Variants in CTSC observed in about 807,000 individuals in gnomAD.
CTSC encodes the protein dipeptidyl peptidase 1.
CTSC carries 37 observed loss-of-function variants against 40.9 expected under a neutral mutation model. The ratio of observed to expected loss-of-function variants is 0.91; its 90% CI spans 0.70 to 1.19. The LOEUF (loss-of-function observed/expected upper bound fraction) is 1.19, where lower values mean the gene tolerates loss of function less well. Among genes scored for constraint, CTSC ranks in the 50% most tolerant of loss-of-function variants. The pLI, the probability that CTSC is intolerant of heterozygous loss-of-function variation, is 0.00. For synonymous variants in CTSC, 232 were observed against 207.4 expected (o/e 1.12, Z -1.02); for missense variants, 594 against 567.3 (o/e 1.05, Z -0.48).
intron 6 of CTSC, among the ~76,000 whole-genome samples, chr11:88,294,791 G>C (rs1043178996): frequency 1.3e-5 from 2 of 152,228 alleles, no homozygotes; most frequent in African/African-American, 4.8e-5. Flanking sequence ...CCAAAGCCGT[G>C]TGAAGAGTTT....
At chr11:88,326,525 G>GC (rs1938193384) in intron 2 of CTSC, 3 of 681,466 alleles carry the variant, frequency 4.4e-6, no homozygotes, top group Non-Finnish European at 6.8e-6. Context: ...GTTTCTTTAA[G>GC]TAAAAAAAAA....
chr11:88,302,043 C>T (rs868415499), intron 4 of CTSC, among the ~76,000 whole-genome samples: 1 of 152,096 alleles, frequency 6.6e-6, no homozygotes, highest in Non-Finnish European at 1.5e-5. Flanking sequence ...CAGCCCCCAG[C>T]GAAAACTCAC....
chr11:88,314,371 A>C (rs527654340), intron 2 of CTSC, among the ~76,000 whole-genome samples: 1 of 152,326 alleles, frequency 6.6e-6, no homozygotes, highest in Non-Finnish European at 1.5e-5. Context: ...TCTGAATTCA[A>C]ATCATATTTA....
At chr11:88,326,493 C>A (rs751233605) in intron 2 of CTSC, 27 of 1,146,058 alleles carry the variant, frequency 2.4e-5, no homozygotes, top group Non-Finnish European at 3.4e-5. Context: ...ATCATATTGT[C>A]TCTTAATATT....
chr11:88,312,287 A>C, intron 3 of CTSC, 101 bp downstream of exon 3: 1 of 1,146,808 alleles, frequency 8.7e-7, no homozygotes, highest in East Asian at 2.4e-5. Flanking sequence ...TCTAAGCCAA[A>C]GATATTTTGT....
intron 2 of CTSC, among the ~76,000 whole-genome samples, chr11:88,317,123 C>T (rs947458822): frequency 6.6e-6 from 1 of 152,118 alleles, no homozygotes; most frequent in South Asian, 2.1e-4. Flanking sequence ...TGCGTCACCA[C>T]GCCCGGCTAA....
In CTSC at chr11:88,326,115, C is replaced by G. The variant is rs1938176083; in HGVS notation, c.318+8822G>C. On this transcript the variant is annotated intron_variant, in intron 2 of 6. Transcript: ENST00000227266. ...GTATATTGTTCCTTTTATTAAAAAA[C>G]TGAACGGTGAAGCCACCCAAGATTT... 5.4e-6 allele frequency: 7 copies of G among 1,291,374 alleles called. No individual in the cohort carries two copies. The East Asian group carries it at 2.0e-4, about 37-fold the overall frequency. 80.0% of individuals were successfully genotyped at this position (1,291,374 alleles called of 1,614,324 possible).
chr11:88,323,478 T>C (rs1287553034), intron 2 of CTSC: 1 of 152,098 alleles, frequency 6.6e-6, no homozygotes, highest in East Asian at 1.9e-4. Context: ...GGAAGTCAAA[T>C]TGTCTTTGTT....
chr11:88,309,464 A>G (rs1196605412), intron 3 of CTSC, 146 bp from the exon 4 acceptor site: 1 of 727,422 alleles, frequency 1.4e-6, no homozygotes, highest in Non-Finnish European at 2.4e-6. Flanking sequence ...ATAGCCTAGA[A>G]CAGCCTGGCA....
In CTSC at chr11:88,316,728, T is replaced by C. The variant is rs149513086; in HGVS notation, c.319-4174A>G. Reference sequence around the variant, plus strand: ...ATAACAGAAGAGGAAGAACAACAAATGTCAAGTCCTATTTCAACAGTTAAC... The same window carrying C: ...ATAACAGAAGAGGAAGAACAACAAACGTCAAGTCCTATTTCAACAGTTAAC... On this transcript the variant is annotated intron_variant, in intron 2 of 6. Transcript: ENST00000227266. Among the ~76,000 whole-genome samples the C allele has an allele frequency of 2.7e-3, 412 of 152,252 alleles. 2 individuals carry two copies. Among genetic ancestry groups the C allele is most frequent in the African/African-American group, 9.5e-3 (394 of 41,550 alleles).
At chr11:88,321,004 T>C in intron 2 of CTSC, 1 of 985,328 alleles carries the variant, frequency 1.0e-6, no homozygotes, top group South Asian at 4.7e-5. Context: ...TATTCAGGGA[T>C]CTTCTGACAC....
At position 88,312,530 on chromosome 11, in the gene CTSC, T is replaced by G. The variant is rs373283977; in HGVS notation, c.343A>C (p.Thr115Pro). 8 of 1,614,016 alleles carry G rather than the reference T, an allele frequency of 5.0e-6. No homozygotes were observed. In the African/African-American group the frequency reaches 1.1e-4, roughly 22 times the overall value. The part of the protein sequence containing the change: ...FKYKEEGSKV[T>P]TYCNETMTGW... ...GTCATTGTCTCGTTGCAGTAAGTGG[T>G]CACCTTGCTGCCCTCTTCTTTATAC... Residue 115 changes from threonine (T) to proline (P), a missense_variant, in exon 3 of 7, where the codon ACC (threonine) becomes CCC (proline). Coordinates refer to ENST00000227266, the MANE Select transcript of CTSC (RefSeq NM_001814.6).
chr11:88,301,793 C>T (rs931620837), intron 4 of CTSC, among the ~76,000 whole-genome samples: 3 of 98,468 alleles, frequency 3.0e-5, no homozygotes, highest in Admixed American at 1.1e-4. Flanking sequence ...CATGCACACA[C>T]ACACAAACAC....
At chr11:88,331,672 C>G (rs2134821876) in intron 2 of CTSC, among the ~76,000 whole-genome samples, 1 of 152,214 alleles carries the variant, frequency 6.6e-6, no homozygotes, top group East Asian at 1.9e-4. Flanking sequence ...CATGGATAAC[C>G]ATGTTAAAAT....
In CTSC at chr11:88,308,545, C is replaced by T. The variant is rs536200448; in HGVS notation, c.641+618G>A. On this transcript the variant is annotated intron_variant, in intron 4 of 6. Transcript: ENST00000227266. ...ATTTTATTTTTGCATGTCTGACACCCGTGGTTCTACCTGGACCCAGCAACC... is the reference window on the plus strand; with the variant it reads ...ATTTTATTTTTGCATGTCTGACACCTGTGGTTCTACCTGGACCCAGCAACC... Among the ~76,000 whole-genome samples, 12 of 151,524 alleles carry T rather than the reference C, an allele frequency of 7.9e-5. No individual in the cohort carries two copies. The East Asian group carries it at 2.3e-3, about 29-fold the overall frequency.
chr11:88,327,365 T>C (rs1197350233), intron 2 of CTSC, among the ~76,000 whole-genome samples: 1 of 152,140 alleles, frequency 6.6e-6, no homozygotes, highest in Non-Finnish European at 1.5e-5. Context: ...ACTTCTGGTA[T>C]TTAAGAGCCA....
chr11:88,294,399 C>T lies in CTSC; in HGVS notation c.999G>A (p.Met333Ile), dbSNP rs370913264. ...PYTGTDSPCKMKEDCFRYYSS... is the reference protein window; with the variant it reads ...PYTGTDSPCKIKEDCFRYYSS... ...AGTAATAACGAAAGCAGTCTTCCTTCATTTTGCATGGAGAATCAGTGCCTG... is the reference window on the plus strand; with the variant it reads ...AGTAATAACGAAAGCAGTCTTCCTTTATTTTGCATGGAGAATCAGTGCCTG... The change falls in exon 7 of 7, where the codon ATG (methionine) becomes ATA (isoleucine). Residue 333 changes from methionine to isoleucine, a missense_variant. By Grantham distance (10) the Met-to-Ile change is conservative. Transcript: ENST00000227266. The T allele has an allele frequency of 6.2e-7, 1 of 1,614,062 alleles. No homozygotes were observed. Among genetic ancestry groups the T allele is most frequent in the African/African-American group, 1.3e-5 (1 of 74,928 alleles).
intron 4 of CTSC, among the ~76,000 whole-genome samples, chr11:88,302,549 C>G (rs1467085409): frequency 6.8e-6 from 1 of 146,538 alleles, no homozygotes; most frequent in African/African-American, 2.5e-5. Context: ...TGGCATGAAC[C>G]CAGGAGGTGG....
At chr11:88,330,920 G>A (rs1938336711) in intron 2 of CTSC, among the ~76,000 whole-genome samples, 1 of 152,164 alleles carries the variant, frequency 6.6e-6, no homozygotes, top group Non-Finnish European at 1.5e-5. Context: ...CTAGCAATAG[G>A]AGCTATTCTG....
Sources: gnomAD v4.1 joint callset for allele counts (sites outside exome capture counted in the v4.1 genomes callset) on GRCh38, gnomAD v4.1.1 for gene constraint, MANE v1.5 for transcripts, NCBI Gene and HGNC (gene_info 2026-07-23, HGNC 2026-07-21) for gene names.